Variants in MGAM2 observed in about 807,000 individuals in gnomAD.
The protein encoded by MGAM2 is maltase-glucoamylase 2 (putative).
A neutral mutation model predicts 96.1 loss-of-function variants in MGAM2; 98 were observed. The observed-to-expected ratio is 1.02, with a 90% CI of 0.87 to 1.21. The LOEUF is 1.21. Ranked by LOEUF, MGAM2 falls within the 50% of genes most tolerant of loss-of-function variation. The pLI is 0.00. For synonymous variants in MGAM2, 749 were observed against 414.8 expected (o/e 1.81, Z -9.79); for missense variants, 2,055 against 1,182.4 (o/e 1.74, Z -10.82).
chr7:142,173,444 A>G (rs1796264982), intron 31 of MGAM2, 90 bp downstream of exon 31: 3 of 644,878 alleles, frequency 4.7e-6, no homozygotes, highest in Non-Finnish European at 8.5e-6. Flanking sequence ...TTCTTATCAA[A>G]GATAACTTGA....
chr7:142,143,118 A>G (rs1795281889), intron 12 of MGAM2, among the ~76,000 whole-genome samples: 1 of 152,218 alleles, frequency 6.6e-6, no homozygotes, highest in Non-Finnish European at 1.5e-5. Flanking sequence ...AGTTGTTCCT[A>G]AATTACAATC....
chr7:142,174,512 A>G (rs536197016), intron 31 of MGAM2, among the ~76,000 whole-genome samples: 3 of 152,060 alleles, frequency 2.0e-5, no homozygotes, highest in South Asian at 4.2e-4. Flanking sequence ...ATTTTTGTAC[A>G]TTGATTTTGT....
chr7:142,185,226 T>C, intron 34 of MGAM2, 87 bp downstream of exon 34: 2 of 661,670 alleles, frequency 3.0e-6, no homozygotes, highest in Non-Finnish European at 2.8e-6. Flanking sequence ...TAGCTAACCC[T>C]TCAGTTAAGT....
chr7:142,111,845 A>T (rs1461282620), intron 1 of MGAM2, 38 bp downstream of exon 1: 1 of 152,256 alleles, frequency 6.6e-6, no homozygotes, highest in Non-Finnish European at 1.5e-5. Context: ...GCTTTGAACA[A>T]GGGCAGGAAG....
At chr7:142,140,225 A>C (rs1795180967) in intron 10 of MGAM2, among the ~76,000 whole-genome samples, 1 of 152,154 alleles carries the variant, frequency 6.6e-6, no homozygotes, top group Non-Finnish European at 1.5e-5. Flanking sequence ...AATGTCACTG[A>C]ACTCCCCTAC....
chr7:142,172,996 G>A (rs1796245570), intron 30 of MGAM2, among the ~76,000 whole-genome samples: 1 of 152,118 alleles, frequency 6.6e-6, no homozygotes, highest in Admixed American at 6.5e-5. Flanking sequence ...GTAATAACCG[G>A]CAAATTCTCA....
At chr7:142,217,831 A>C (rs2129107479) in intron 46 of MGAM2, among the ~76,000 whole-genome samples, 1 of 152,318 alleles carries the variant, frequency 6.6e-6, no homozygotes, top group African/African-American at 2.4e-5. Flanking sequence ...CACACCTGTA[A>C]TCCCATCACT....
intron 46 of MGAM2, among the ~76,000 whole-genome samples, chr7:142,210,280 T>A (rs2129105162): frequency 6.9e-6 from 1 of 145,246 alleles, no homozygotes; most frequent in African/African-American, 2.6e-5. Context: ...TTTGGGCAGA[T>A]ACCAAACTAG....
intron 45 of MGAM2, among the ~76,000 whole-genome samples, chr7:142,203,913 GTTC>G (rs1195055067): frequency 6.6e-6 from 1 of 151,934 alleles, no homozygotes; most frequent in East Asian, 1.9e-4. Context: ...TGCTCTTCAT[GTTC>G]TTCTTTTTCT....
At chr7:142,113,516 AG>A (rs1412254687) in intron 1 of MGAM2, among the ~76,000 whole-genome samples, 1 of 148,252 alleles carries the variant, frequency 6.7e-6, no homozygotes, top group Non-Finnish European at 1.5e-5. Context: ...AATTAAAAAA[AG>A]ATTCCTAGGT....
chr7:142,126,027 C>T (rs1005602464), intron 3 of MGAM2, among the ~76,000 whole-genome samples: 57 of 152,006 alleles, frequency 3.7e-4, no homozygotes, highest in East Asian at 7.7e-4. Context: ...TTTGTTTTAA[C>T]GAAAATTTGA....
intron 45 of MGAM2, among the ~76,000 whole-genome samples, chr7:142,203,829 T>C (rs925332543): frequency 6.6e-6 from 1 of 151,882 alleles, no homozygotes; most frequent in Non-Finnish European, 1.5e-5. Context: ...CCTTTCACTG[T>C]ATAAAAAAAT....
Position 142,189,471 on chromosome 7 carries a change from C to T in MGAM2, c.4312C>T (p.Leu1438=), listed in dbSNP as rs1200289779. 2 of 866,674 alleles carry T rather than the reference C, an allele frequency of 2.3e-6. No individual in the cohort carries two copies. Among genetic ancestry groups the T allele is most frequent in the African/African-American group, 1.7e-5 (1 of 60,116 alleles). 53.7% of individuals were successfully genotyped at this position (866,674 alleles called of 1,614,324 possible). A position where few individuals can be genotyped will look rare whatever the true frequency, so the allele number is the denominator to read the frequency against. The change falls in exon 37 of 48, where the codon CTG becomes TTG. Residue 1438 remains leucine (L), a synonymous_variant. Transcript: ENST00000477922. ...CGTGGAGCACTACAACGTGCACAAC[C>T]TGTACGGGTGGTCCCAGACCAGACC... The part of the protein sequence containing the change: ...SPVEHYNVHN[L]YGWSQTRPTY...
intron 27 of MGAM2, among the ~76,000 whole-genome samples, chr7:142,170,913 T>C (rs769436789): frequency 2.0e-5 from 3 of 152,222 alleles, no homozygotes; most frequent in Non-Finnish European, 4.4e-5. Context: ...TCTAAGAGTT[T>C]CATGCTTTTC....
intron 27 of MGAM2, among the ~76,000 whole-genome samples, chr7:142,170,466 A>G (rs1392418149): frequency 2.6e-5 from 4 of 152,204 alleles, no homozygotes; most frequent in Non-Finnish European, 5.9e-5. Flanking sequence ...AGAAAGAAAA[A>G]TACATGTTCT....
intron 47 of MGAM2, 42 bp from the exon 48 acceptor site, chr7:142,219,825 TAAG>T: frequency 1.6e-6 from 1 of 641,520 alleles, no homozygotes; most frequent in East Asian, 2.7e-5. Context: ...ATGTGAGGTT[TAAG>T]AAGTTCTAAA....
At chr7:142,214,998 A>G (rs1480766975) in intron 46 of MGAM2, among the ~76,000 whole-genome samples, 1 of 152,224 alleles carries the variant, frequency 6.6e-6, no homozygotes, top group Non-Finnish European at 1.5e-5. Flanking sequence ...AGAAACAGGC[A>G]CAAGTCTGTT....
intron 46 of MGAM2, among the ~76,000 whole-genome samples, chr7:142,210,538 C>A (rs759095955): frequency 1.1e-4 from 17 of 152,136 alleles, no homozygotes; most frequent in Admixed American, 1.0e-3. Flanking sequence ...CTTGAGTAGG[C>A]GGTTTTCCCC....
intron 37 of MGAM2, 86 bp downstream of exon 37, chr7:142,189,591 C>A (rs946679469): frequency 1.9e-6 from 1 of 537,922 alleles, no homozygotes. Context: ...CATGTATCTA[C>A]GTGATCCGAG....
Sources: allele counts gnomAD v4.1 joint callset (sites outside exome capture counted in the v4.1 genomes callset), GRCh38; gene constraint gnomAD v4.1.1; transcripts MANE v1.5; gene names NCBI Gene and HGNC (gene_info 2026-07-23, HGNC 2026-07-21).